The following FAM107B variants were observed in gnomAD, a reference collection of about 807,000 sequenced individuals.
FAM107B encodes protein FAM107B.
In FAM107B, 21 loss-of-function variants were observed where a neutral mutation model predicts 31.5. The ratio of observed to expected loss-of-function variants is 0.67; its 90% CI spans 0.47 to 0.96. The LOEUF (loss-of-function observed/expected upper bound fraction) is 0.96. FAM107B is among the 40% of genes least tolerant of loss of function. FAM107B has a pLI of 0.00. For synonymous variants in FAM107B, 157 were observed against 141.5 expected, an observed-to-expected ratio of 1.11 and a Z score of -0.78; for missense variants, 452 against 377.1, an observed-to-expected ratio of 1.20 and a Z score of -1.64.
At chr10:14,570,235 T>A (rs2182456) in intron 2 of FAM107B, among the ~76,000 whole-genome samples, 1 of 75,654 alleles carries the variant, frequency 1.3e-5, no homozygotes, top group East Asian at 3.3e-4. Flanking sequence ...ATGTGGTGGG[T>A]GTGTGTGTGT....
rs577800277 is a variant in FAM107B at position 14,654,861 on chromosome 10, A to C, written c.469+12773T>G. On this transcript the variant is annotated intron_variant, in intron 2 of 4. Coordinates refer to ENST00000181796, the MANE Select transcript of FAM107B (RefSeq NM_031453.4). ...GATGCATAGAACACTGTGTTCAGAA[A>C]AGGTCAGAGAACTGTGTTCAGAAAA... is the stretch of plus-strand genomic sequence containing the variant. Among the ~76,000 whole-genome samples, 5 of 152,296 alleles carry C rather than the reference A, an allele frequency of 3.3e-5. No individual in the cohort carries two copies. The South Asian group carries it at 6.2e-4, about 19-fold the overall frequency.
intron 3 of FAM107B, chr10:14,529,562 C>T (rs928276849): frequency 6.6e-6 from 1 of 152,042 alleles, no homozygotes; most frequent in East Asian, 1.9e-4. Context: ...TTCACCAGGG[C>T]TTAGCAAAGA....
intron 1 of FAM107B, among the ~76,000 whole-genome samples, chr10:14,772,445 G>T (rs764043605): frequency 6.6e-6 from 1 of 151,770 alleles, no homozygotes; most frequent in Non-Finnish European, 1.5e-5. Flanking sequence ...AAGGGCTAGC[G>T]AACTACAAGT....
chr10:14,577,054 T>C (rs1851487762), intron 2 of FAM107B, among the ~76,000 whole-genome samples: 1 of 152,250 alleles, frequency 6.6e-6, no homozygotes, highest in Non-Finnish European at 1.5e-5. Context: ...AGTTTCTCTA[T>C]TCAAATGCTT....
At chr10:14,650,217 T>C (rs989475461) in intron 2 of FAM107B, among the ~76,000 whole-genome samples, 2 of 152,208 alleles carry the variant, frequency 1.3e-5, no homozygotes, top group African/African-American at 4.8e-5. Flanking sequence ...ACAGTTTTTT[T>C]TTTTCATTAG....
At chr10:14,653,554 C>T (rs1005888571) in intron 2 of FAM107B, among the ~76,000 whole-genome samples, 6 of 152,132 alleles carry the variant, frequency 3.9e-5, no homozygotes, top group Non-Finnish European at 7.4e-5. Flanking sequence ...CCTGAGACCT[C>T]TAAGCACCTG....
At chr10:14,771,182 T>C (rs916735757) in intron 1 of FAM107B, among the ~76,000 whole-genome samples, 11 of 152,172 alleles carry the variant, frequency 7.2e-5, no homozygotes, top group Admixed American at 4.6e-4. Flanking sequence ...TCTAAGCCAC[T>C]TTTAATCAGA....
At chr10:14,591,507 C>A (rs1852019233) in intron 2 of FAM107B, among the ~76,000 whole-genome samples, 1 of 152,184 alleles carries the variant, frequency 6.6e-6, no homozygotes, top group African/African-American at 2.4e-5. Flanking sequence ...CCCCGATACC[C>A]TGGTCAGTTT....
intron 2 of FAM107B, among the ~76,000 whole-genome samples, chr10:14,546,063 C>G (rs1473179724): frequency 6.6e-6 from 1 of 152,214 alleles, no homozygotes; most frequent in Non-Finnish European, 1.5e-5. Flanking sequence ...CCCAACTGGC[C>G]AAACAAACTA....
At chr10:14,724,426 A>G (rs1371491245) in intron 1 of FAM107B, among the ~76,000 whole-genome samples, 1 of 152,214 alleles carries the variant, frequency 6.6e-6, no homozygotes, top group African/African-American at 2.4e-5. Context: ...TAAAGGGTTT[A>G]TTTCTAAAAT....
chr10:14,523,902 T>G (rs1159607464), intron 3 of FAM107B, among the ~76,000 whole-genome samples: 1 of 151,228 alleles, frequency 6.6e-6, no homozygotes, highest in African/African-American at 2.4e-5. Context: ...AGGCTCTCTC[T>G]GTTGCCCGGG....
At chr10:14,523,481 T>C (rs1219936248) in intron 3 of FAM107B, among the ~76,000 whole-genome samples, 1 of 152,226 alleles carries the variant, frequency 6.6e-6, no homozygotes, top group Non-Finnish European at 1.5e-5. Context: ...CTGCTGACTC[T>C]GTCCCGGACT....
At chr10:14,572,739 T>TTATATATATATATATATATATA (rs61477094) in intron 2 of FAM107B, among the ~76,000 whole-genome samples, 5 of 91,994 alleles carry the variant, frequency 5.4e-5, no homozygotes, top group East Asian at 3.4e-4. Flanking sequence ...AAAAAAAAAT[T>TTATATATATATATATATATATA]TATATATATA....
At chr10:14,598,043 T>A (rs1289514612) in intron 2 of FAM107B, among the ~76,000 whole-genome samples, 1 of 152,240 alleles carries the variant, frequency 6.6e-6, no homozygotes, top group Non-Finnish European at 1.5e-5. Flanking sequence ...TACTGTTGAT[T>A]TGCGGAAATC....
At chr10:14,584,905 T>C (rs988857787) in intron 2 of FAM107B, among the ~76,000 whole-genome samples, 1 of 152,198 alleles carries the variant, frequency 6.6e-6, no homozygotes, top group African/African-American at 2.4e-5. Flanking sequence ...CTTTGTAACT[T>C]CACTTCAGCC....
At chr10:14,635,567 CAGTT>C (rs1405704127) in intron 2 of FAM107B, among the ~76,000 whole-genome samples, 4 of 152,266 alleles carry the variant, frequency 2.6e-5, no homozygotes, top group East Asian at 1.9e-4. Context: ...GTTGCACACA[CAGTT>C]AGTTCTGCTC....
intron 2 of FAM107B, among the ~76,000 whole-genome samples, chr10:14,632,610 CA>C (rs5783414): frequency 0.32 from 29,210 of 90,406 alleles, 2,695 homozygotes; most frequent in East Asian, 0.59. Context: ...GACTCTGTCT[CA>C]AAAAAAAAAA....
chr10:14,761,031 A>G (rs1434134280), intron 1 of FAM107B, among the ~76,000 whole-genome samples: 3 of 150,442 alleles, frequency 2.0e-5, no homozygotes, highest in Non-Finnish European at 3.0e-5. Flanking sequence ...AAAAAAAAAA[A>G]AAAAAGAAAG....
At chr10:14,554,258 T>G in intron 2 of FAM107B, 13 of 468,046 alleles carry the variant, frequency 2.8e-5, no homozygotes, top group Non-Finnish European at 3.6e-5. Context: ...GGCACTGCAG[T>G]TCACAGCACT....
Sources: gnomAD v4.1 joint callset for allele counts (sites outside exome capture counted in the v4.1 genomes callset) on GRCh38, gnomAD v4.1.1 for gene constraint, MANE v1.5 for transcripts, NCBI Gene and HGNC (gene_info 2026-07-23, HGNC 2026-07-21) for gene names.